MYO10: variants seen among roughly 807,000 people sequenced by gnomAD.
MYO10 encodes unconventional myosin-X.
A neutral mutation model predicts 257.3 loss-of-function variants in MYO10; 133 were observed. The ratio of observed to expected loss-of-function variants is 0.52; its 90% CI spans 0.45 to 0.60. The LOEUF (loss-of-function observed/expected upper bound fraction) is 0.60. MYO10 is among the 20% of genes least tolerant of loss of function. The probability of loss-of-function intolerance (pLI) is 0.00; values close to 1 mark genes in which losing one functional copy is unlikely to be tolerated. For synonymous variants in MYO10, 1,104 were observed against 1,028.6 expected (o/e 1.07, Z -1.40); for missense variants, 2,399 against 2,635.7 (o/e 0.91, Z 1.97).
intron 6 of MYO10, among the ~76,000 whole-genome samples, chr5:16,781,194 C>T (rs1276328711): frequency 6.6e-6 from 1 of 151,782 alleles, no homozygotes; most frequent in Non-Finnish European, 1.5e-5. Flanking sequence ...ATTCTCCTGT[C>T]TCAGCCTCCC....
chr5:16,806,661 A>AG (rs35206536), intron 3 of MYO10, among the ~76,000 whole-genome samples: 3,838 of 151,618 alleles, frequency 0.025, 166 homozygotes, highest in African/African-American at 0.089. Context: ...AAAAAAAAAA[A>AG]TCAAGTATAA....
rs142157688 is a variant in MYO10 at position 16,808,427 on chromosome 5, C to A, written c.279+9582G>T. 1.7e-3 allele frequency among the ~76,000 whole-genome samples: 253 copies of A among 152,106 alleles called. No individual in the cohort carries two copies. In the South Asian group the frequency reaches 0.023, roughly 14 times the overall value. Reference sequence around the variant, plus strand: ...GTTGGAGGCTGTGGTGAGCTATGATCGCACCACTACACTCCAGCCTGGGCA... The same window carrying A: ...GTTGGAGGCTGTGGTGAGCTATGATAGCACCACTACACTCCAGCCTGGGCA... On this transcript the variant is annotated intron_variant, in intron 3 of 40. Transcript: ENST00000513610.
chr5:16,891,529 A>T (rs1745061316), intron 1 of MYO10, among the ~76,000 whole-genome samples: 1 of 152,146 alleles, frequency 6.6e-6, no homozygotes, highest in South Asian at 2.1e-4. Flanking sequence ...TGGAGTAGGA[A>T]AATGTGATAA....
intron 3 of MYO10, among the ~76,000 whole-genome samples, chr5:16,802,343 A>T (rs1264556857): frequency 1.3e-5 from 2 of 150,746 alleles, no homozygotes; most frequent in African/African-American, 4.9e-5. Flanking sequence ...CCAAAATAAA[A>T]TTTTTTTTTT....
chr5:16,796,469 A>AAAGAAAG (rs879800508), intron 3 of MYO10, among the ~76,000 whole-genome samples: 15 of 120,936 alleles, frequency 1.2e-4, no homozygotes, highest in African/African-American at 3.2e-4. Flanking sequence ...AGAAAGAAAG[A>AAAGAAAG]AAAGAAAAGA....
intron 21 of MYO10, among the ~76,000 whole-genome samples, chr5:16,708,055 A>G (rs1479010850): frequency 1.3e-5 from 2 of 152,194 alleles, no homozygotes. Context: ...ATGTAACTCA[A>G]ACACTGGTCA....
In MYO10 at chr5:16,767,121, G is replaced by T. The variant is rs186533436; in HGVS notation, c.1061-923C>A. Among the ~76,000 whole-genome samples, 194 of 150,628 alleles carry T rather than the reference G, an allele frequency of 1.3e-3. 1 individual carries two copies. The highest frequency in any genetic ancestry group is 0.011 in the Middle Eastern group (3 of 280). On this transcript the variant is annotated intron_variant, in intron 10 of 40. Transcript: ENST00000513610. ...GAGTATTCCAAAGGCTACACATGAG[G>T]TACCTCAACAAATTAAAGGCAGAAG...
intron 33 of MYO10, among the ~76,000 whole-genome samples, chr5:16,679,282 C>G (rs967219042): frequency 3.3e-5 from 5 of 152,146 alleles, no homozygotes; most frequent in Non-Finnish European, 7.3e-5. Context: ...GAGGGAGAAC[C>G]TGACGCAAAG....
At chr5:16,747,442 T>C (rs1247488264) in intron 19 of MYO10, among the ~76,000 whole-genome samples, 1 of 152,174 alleles carries the variant, frequency 6.6e-6, no homozygotes, top group Admixed American at 6.5e-5. Context: ...TAACTCAACG[T>C]TACTGAGCAC....
At chr5:16,686,264 T>C (rs1370242999) in intron 28 of MYO10, among the ~76,000 whole-genome samples, 2 of 152,120 alleles carry the variant, frequency 1.3e-5, no homozygotes, top group African/African-American at 4.8e-5. Flanking sequence ...AATTTTAAGG[T>C]GAGAAGATCA....
At chr5:16,720,609 C>T (rs1262746110) in intron 19 of MYO10, among the ~76,000 whole-genome samples, 1 of 152,036 alleles carries the variant, frequency 6.6e-6, no homozygotes, top group African/African-American at 2.4e-5. Flanking sequence ...TAGGCACGTG[C>T]CACCACACCC....
intron 4 of MYO10, among the ~76,000 whole-genome samples, chr5:16,783,741 C>T (rs1010046933): frequency 1.3e-5 from 2 of 152,170 alleles, no homozygotes; most frequent in African/African-American, 2.4e-5. Flanking sequence ...ATGTATGGTG[C>T]CTCACAGGGA....
rs1276686621 is a variant in MYO10 at position 16,676,786 on chromosome 5, T to C, written c.4543-632A>G. ...TGAGAGCCAAAGGCAGGAGGATCACTTGGGCCCAGGAGTTTGAGACCAGCC... is the reference window on the plus strand; with the variant it reads ...TGAGAGCCAAAGGCAGGAGGATCACCTGGGCCCAGGAGTTTGAGACCAGCC... On this transcript the variant is annotated intron_variant, in intron 33 of 40. Transcript: ENST00000513610. 3.3e-5 allele frequency among the ~76,000 whole-genome samples: 5 copies of C among 152,156 alleles called. No individual in the cohort carries two copies. The East Asian group carries it at 5.8e-4, about 18-fold the overall frequency.
intron 2 of MYO10, among the ~76,000 whole-genome samples, chr5:16,829,552 G>C (rs1253005321): frequency 2.0e-5 from 3 of 152,142 alleles, no homozygotes; most frequent in African/African-American, 4.8e-5. Flanking sequence ...CAGGGATGGT[G>C]CACACAACAT....
intron 2 of MYO10, among the ~76,000 whole-genome samples, chr5:16,871,816 T>A (rs1034062554): frequency 6.6e-6 from 1 of 152,120 alleles, no homozygotes; most frequent in Non-Finnish European, 1.5e-5. Flanking sequence ...CAAGCCTGAA[T>A]CCAATTTTAA....
chr5:16,857,424 T>C (rs1191982552), intron 2 of MYO10, among the ~76,000 whole-genome samples: 2 of 152,202 alleles, frequency 1.3e-5, no homozygotes, highest in East Asian at 3.8e-4. Context: ...TGCTTTTATT[T>C]AGAGCATGGA....
intron 8 of MYO10, 58 bp from the exon 9 acceptor site, chr5:16,779,706 TTTTC>T: frequency 4.0e-6 from 4 of 996,552 alleles, no homozygotes; most frequent in Non-Finnish European, 6.1e-6. Context: ...AAATTCAGAG[TTTTC>T]ACTCTGACTT....
chr5:16,753,328 A>C (rs1380210568), intron 19 of MYO10, among the ~76,000 whole-genome samples: 2 of 150,766 alleles, frequency 1.3e-5, no homozygotes, highest in Non-Finnish European at 3.0e-5. Flanking sequence ...CACCACACCC[A>C]GCTAGTTTTT....
chr5:16,802,613 C>T (rs1298795611), intron 3 of MYO10, among the ~76,000 whole-genome samples: 1 of 142,148 alleles, frequency 7.0e-6, no homozygotes, highest in Non-Finnish European at 1.5e-5. Flanking sequence ...GCTGAGATCA[C>T]GCCACTGCAC....
Sources: gnomAD v4.1 joint callset for allele counts (sites outside exome capture counted in the v4.1 genomes callset) on GRCh38, gnomAD v4.1.1 for gene constraint, MANE v1.5 for transcripts, NCBI Gene and HGNC (gene_info 2026-07-23, HGNC 2026-07-21) for gene names.